NCSTN: variants seen among roughly 807,000 people sequenced by gnomAD.
NCSTN encodes the protein anterior pharynx-defective 2.
Under a neutral mutation model 87.0 loss-of-function variants are expected in NCSTN, and 22 were observed. The ratio of observed to expected loss-of-function variants is 0.25; its 90% CI spans 0.18 to 0.36. The LOEUF (loss-of-function observed/expected upper bound fraction) is 0.36, where lower values mean the gene tolerates loss of function less well. Ranked by LOEUF, NCSTN falls within the 10% of genes least tolerant of loss-of-function variation. The probability of loss-of-function intolerance (pLI) is 1.00; values close to 1 mark genes in which losing one functional copy is unlikely to be tolerated. For synonymous variants in NCSTN, 306 were observed against 327.1 expected, an observed-to-expected ratio of 0.94 and a Z score of 0.69; for missense variants, 693 against 883.3, an observed-to-expected ratio of 0.78 and a Z score of 2.73.
chr1:160,346,761 G>A (rs1203956704), intron 2 of NCSTN, among the ~76,000 whole-genome samples: 4 of 151,918 alleles, frequency 2.6e-5, no homozygotes, highest in Admixed American at 6.6e-5. Flanking sequence ...GCGTGCCACC[G>A]TGCCCAGCTA....
At chr1:160,349,493 G>A (rs771133455) in intron 3 of NCSTN, 56 bp from the exon 4 acceptor site, 2 of 1,611,488 alleles carry the variant, frequency 1.2e-6, no homozygotes. Context: ...CAGGCAGAAT[G>A]TCAGGCTGTC....
rs766630439 is a variant in NCSTN at position 160,356,626 on chromosome 1, G to A, written c.1666G>A (p.Ala556Thr). ...TGACGGGCCTCTTCAACATTACATC[G>A]CTGTCTCCAGCCCCACCAACACCAC... ...LGDGPLQHYI[A>T]VSSPTNTTYV... Residue 556 changes from alanine (A) to threonine (T), a missense_variant, in exon 15 of 17, where the codon GCT (alanine) becomes ACT (threonine). Transcript: ENST00000294785. 13 of 1,613,950 alleles carry A rather than the reference G, an allele frequency of 8.1e-6. No individual in the cohort carries two copies. The highest frequency in any genetic ancestry group is 2.2e-5 in the East Asian group (1 of 44,884).
intron 6 of NCSTN, 40 bp downstream of exon 6, chr1:160,351,412 G>A: frequency 6.2e-7 from 1 of 1,605,628 alleles, no homozygotes; most frequent in Non-Finnish European, 8.5e-7. Flanking sequence ...GGAATAAGGG[G>A]CAGAGGGAGA....
chr1:160,351,590 A>G lies in NCSTN; in HGVS notation c.734-106A>G, dbSNP rs1648840535. ...ACCTCGGACTGTTGGAAGTAGAGAA[A>G]ACGACTTAGAGTCCGTGGGGCACTG... On this transcript the variant is annotated intron_variant, in intron 6 of 16. Transcript: ENST00000294785. 3.1e-6 allele frequency: 4 copies of G among 1,294,988 alleles called. No individual in the cohort carries two copies. In the African/African-American group the frequency reaches 4.4e-5, roughly 14 times the overall value. The allele number at this position is 1,294,988 out of a possible 1,614,324, so 80.2% of individuals were successfully genotyped here. A position where few individuals can be genotyped will look rare whatever the true frequency, so the allele number is the denominator to read the frequency against.
intron 4 of NCSTN, among the ~76,000 whole-genome samples, chr1:160,349,903 C>G (rs754579398): frequency 2.6e-5 from 4 of 152,192 alleles, no homozygotes; most frequent in Non-Finnish European, 4.4e-5. Flanking sequence ...GTTCACATCC[C>G]TAATCTTACA....
chr1:160,344,025 AG>A, intron 1 of NCSTN: 1 of 238,816 alleles, frequency 4.2e-6, no homozygotes, highest in Non-Finnish European at 8.3e-6. Context: ...TTAACTGTGA[AG>A]ACCCTGAAGT....
At chr1:160,351,994 A>G in intron 7 of NCSTN, 60 bp from the exon 8 acceptor site, 1 of 1,591,348 alleles carries the variant, frequency 6.3e-7, no homozygotes, top group Non-Finnish European at 8.6e-7. Flanking sequence ...GGAGCAAGAA[A>G]GGAGGTTTGG....
chr1:160,352,884 C>T lies in NCSTN; in HGVS notation c.997-3C>T. On this transcript the variant is annotated splice_region_variant and splice_polypyrimidine_tract_variant and intron_variant, in intron 8 of 16. Coordinates refer to ENST00000294785, the MANE Select transcript of NCSTN (RefSeq NM_015331.3). ...CCCCCTCCCACCTACCTCCATCTCT[C>T]AGGAAACTTTTGACTACATTGGCAG... 1 of 1,613,104 alleles carries T rather than the reference C, an allele frequency of 6.2e-7. No individual in the cohort carries two copies. The highest frequency in any genetic ancestry group is 1.1e-5 in the South Asian group (1 of 91,050).
chr1:160,356,953 G>T, intron 15 of NCSTN, 88 bp from the exon 16 acceptor site: 1 of 1,404,336 alleles, frequency 7.1e-7, no homozygotes, highest in Non-Finnish European at 1.0e-6. Context: ...TAGCTCAATT[G>T]GTTAGAGCAT....
At chr1:160,351,124 C>T (rs1335626460) in intron 5 of NCSTN, 98 bp from the exon 6 acceptor site, 1 of 1,266,700 alleles carries the variant, frequency 7.9e-7, no homozygotes, top group Non-Finnish European at 1.2e-6. Flanking sequence ...GGGTGTGGCT[C>T]CATCCCAAAA....
chr1:160,353,671 T>C, intron 10 of NCSTN: 2 of 985,402 alleles, frequency 2.0e-6, no homozygotes, highest in Non-Finnish European at 2.4e-6. Context: ...GCCTGCTTTT[T>C]TCCAGGTGGT....
intron 1 of NCSTN, chr1:160,344,441 AC>A (rs1648329431): frequency 1.4e-6 from 2 of 1,479,874 alleles, no homozygotes; most frequent in African/African-American, 2.8e-5. Flanking sequence ...CTAAGGTCAA[AC>A]ACCTTTCCTT....
intron 2 of NCSTN, among the ~76,000 whole-genome samples, chr1:160,345,953 A>AAAG (rs1648464848): frequency 6.6e-6 from 1 of 151,532 alleles, no homozygotes; most frequent in Non-Finnish European, 1.5e-5. Flanking sequence ...AAAAAAAAAA[A>AAAG]AAAAAAAAGA....
intron 4 of NCSTN, 89 bp downstream of exon 4, chr1:160,349,759 G>A: frequency 6.5e-7 from 1 of 1,539,572 alleles, no homozygotes; most frequent in Non-Finnish European, 8.9e-7. Context: ...ATGTATATGT[G>A]TTTGTGTCTG....
chr1:160,350,975 G>A (rs1648803877), intron 5 of NCSTN, among the ~76,000 whole-genome samples: 1 of 152,178 alleles, frequency 6.6e-6, no homozygotes, highest in Admixed American at 6.5e-5. Context: ...CAGGCCATCT[G>A]GAATGGGATA....
At chr1:160,343,893 A>C (rs1481953283) in intron 1 of NCSTN, 1 of 361,380 alleles carries the variant, frequency 2.8e-6, no homozygotes, top group South Asian at 2.0e-5. Flanking sequence ...TAAAAGGTGG[A>C]TTTCTTATTT....
rs1648939890 is a variant in NCSTN at position 160,352,915 on chromosome 1, G to A, written c.1025G>A (p.Arg342Lys). Residue 342 changes from arginine to lysine, a missense_variant, in exon 9 of 17, where the codon AGG becomes AAG. By Grantham distance (26) the Arg-to-Lys change is conservative. Around this residue, in one of 4 missense-constraint regions of NCSTN, gnomAD observed 134 missense variants for 226.0 expected, o/e 0.59. Coordinates refer to ENST00000294785, the MANE Select transcript of NCSTN (RefSeq NM_015331.3). ...GETFDYIGSS[R>K]MVYDMEKGKF... ...ACTTTTGACTACATTGGCAGCTCGAGGATGGTCTACGATATGGAGAAGGGC... is the reference window on the plus strand; with the variant it reads ...ACTTTTGACTACATTGGCAGCTCGAAGATGGTCTACGATATGGAGAAGGGC... The A allele has an allele frequency of 6.2e-7, 1 of 1,614,166 alleles. No homozygotes were observed. The highest frequency in any genetic ancestry group is 8.5e-7 in the Non-Finnish European group (1 of 1,180,028).
rs1649145350 is a variant in NCSTN, at chr1:160,356,690, C to G, written c.1730C>G (p.Thr577Arg). ...TATGCCTTGGCAAATTTGACTGGCACAGTGGTCAACCTCACCCGAGAGCAG... is the reference window on the plus strand; with the variant it reads ...TATGCCTTGGCAAATTTGACTGGCAGAGTGGTCAACCTCACCCGAGAGCAG... Reference protein sequence around the residue: ...VQYALANLTGTVVNLTREQCQ... With the variant: ...VQYALANLTGRVVNLTREQCQ... The change falls in exon 15 of 17, where the codon ACA becomes AGA. Residue 577 changes from threonine (T) to arginine (R), a missense_variant. This residue lies in a region of NCSTN where 216 missense variants were observed against 311.7 expected (regional missense o/e 0.69). Coordinates refer to ENST00000294785, the MANE Select transcript of NCSTN (RefSeq NM_015331.3). The G allele has an allele frequency of 6.2e-7, 1 of 1,614,216 alleles. No homozygotes were observed. The highest frequency in any genetic ancestry group is 8.5e-7 in the Non-Finnish European group (1 of 1,180,042).
In NCSTN at chr1:160,349,190, C is replaced by G. The variant is rs2101897971; in HGVS notation, c.314+68C>G. The G allele has an allele frequency of 3.7e-6, 6 of 1,602,148 alleles. 1 individual carries two copies. The South Asian group carries it at 6.6e-5, about 18-fold the overall frequency. Reference sequence around the variant, plus strand: ...AAAGTTTCAGTGAACAGTCCTCACACTTATTAGTGAAAACTTCCCTTGGCT... The same window carrying G: ...AAAGTTTCAGTGAACAGTCCTCACAGTTATTAGTGAAAACTTCCCTTGGCT... On this transcript the variant is annotated intron_variant, in intron 3 of 16. Transcript: ENST00000294785.
Sources: gnomAD v4.1 joint callset for allele counts (sites outside exome capture counted in the v4.1 genomes callset) on GRCh38, gnomAD v4.1.1 for gene constraint, gnomAD v4.1.1 regional missense constraint, MANE v1.5 for transcripts, NCBI Gene and HGNC (gene_info 2026-07-23, HGNC 2026-07-21) for gene names.